BNC2: variants seen among roughly 807,000 people sequenced by gnomAD.
BNC2 encodes the protein zinc finger protein basonuclin-2.
BNC2 carries 20 observed loss-of-function variants against 76.3 expected under a neutral mutation model. The ratio of observed to expected loss-of-function variants is 0.26; its 90% confidence interval spans 0.18 to 0.38. The LOEUF (loss-of-function observed/expected upper bound fraction) is 0.38, where lower values mean the gene tolerates loss of function less well. Among genes scored for constraint, BNC2 ranks in the 10% least tolerant of loss-of-function variants. BNC2 has a pLI of 1.00. For missense variants in BNC2, 1,382 were observed against 1,399.8 expected (o/e 0.99, Z 0.20); for synonymous variants, 582 against 514.8 (o/e 1.13, Z -1.77).
intron 2 of BNC2, among the ~76,000 whole-genome samples, chr9:16,736,550 A>C (rs1025910750): frequency 6.7e-6 from 1 of 148,434 alleles, no homozygotes; most frequent in African/African-American, 2.5e-5. Context: ...ATCTTGGCTC[A>C]CTGCAATCTC....
chr9:16,463,335 C>G (rs999922801), intron 5 of BNC2, among the ~76,000 whole-genome samples: 1 of 117,390 alleles, frequency 8.5e-6, no homozygotes, highest in African/African-American at 3.6e-5. Flanking sequence ...CTCGCTCTGT[C>G]GCCCAGGCTG....
chr9:16,687,172 A>C (rs528892730), intron 3 of BNC2, among the ~76,000 whole-genome samples: 4 of 152,252 alleles, frequency 2.6e-5, no homozygotes, highest in African/African-American at 9.6e-5. Context: ...TGAGAAAGAA[A>C]AGAAAGGTTG....
chr9:16,765,801 T>C (rs78581149), intron 1 of BNC2, among the ~76,000 whole-genome samples: 3 of 151,862 alleles, frequency 2.0e-5, no homozygotes, highest in Admixed American at 6.6e-5. Context: ...TTTTTTTTTT[T>C]TCTGAGACGG....
chr9:16,468,758 C>G (rs140630513), intron 5 of BNC2, among the ~76,000 whole-genome samples: 2 of 152,194 alleles, frequency 1.3e-5, no homozygotes, highest in African/African-American at 4.8e-5. Context: ...CATCTCCAAG[C>G]TGAGGTTTAA....
In BNC2 at chr9:16,737,294, AG is replaced by A. The variant is rs1439838067; in HGVS notation, c.129+1065del. On this transcript the variant is annotated intron_variant, in intron 2 of 6. Transcript: ENST00000380672. The stretch of plus-strand genomic sequence containing the variant: ...TTGAGACAGTCTCGCTCTGTTGCCC[AG>A]GCTGGAGTGCAGTGGCGCAATCTTG... Among the ~76,000 whole-genome samples, 4 of 121,244 alleles carry A rather than the reference AG, an allele frequency of 3.3e-5. No individual in the cohort carries two copies. The East Asian group carries it at 8.3e-4, about 25-fold the overall frequency. 79.5% of individuals were successfully genotyped at this position (121,244 alleles called of 152,430 possible).
chr9:16,508,856 T>C (rs575634384), intron 5 of BNC2, among the ~76,000 whole-genome samples: 1 of 151,594 alleles, frequency 6.6e-6, no homozygotes, highest in East Asian at 1.9e-4. Context: ...ATTGTCTTGC[T>C]CTGTCACCGA....
chr9:16,627,846 T>C (rs924294203), intron 3 of BNC2, among the ~76,000 whole-genome samples: 2 of 152,208 alleles, frequency 1.3e-5, no homozygotes, highest in African/African-American at 4.8e-5. Context: ...CGGATCATAA[T>C]ACTTTGCAGA....
At chr9:16,823,977 T>C (rs1020533658) in intron 1 of BNC2, among the ~76,000 whole-genome samples, 1 of 152,238 alleles carries the variant, frequency 6.6e-6, no homozygotes, top group Non-Finnish European at 1.5e-5. Flanking sequence ...GTTTGTAGAA[T>C]GGATTAATGA....
chr9:16,613,850 G>C (rs1017376589), intron 3 of BNC2, among the ~76,000 whole-genome samples: 1 of 152,176 alleles, frequency 6.6e-6, no homozygotes, highest in African/African-American at 2.4e-5. Flanking sequence ...AATTTTCTGA[G>C]TTGTCTCTGA....
rs181308531 is a variant in BNC2 at position 16,521,489 on chromosome 9, G to A, written c.669+31041C>T. On this transcript the variant is annotated intron_variant, in intron 5 of 6. Coordinates refer to ENST00000380672, the MANE Select transcript of BNC2 (RefSeq NM_017637.6). The stretch of plus-strand genomic sequence containing the variant: ...TATACTGGCCATAAATAGGTAAAAC[G>A]TGAATGGTTTACATCATTAGAGAAG... Among the ~76,000 whole-genome samples the A allele has an allele frequency of 3.1e-3, 477 of 152,310 alleles. 11 individuals are homozygous for A. Among genetic ancestry groups the A allele is most frequent in the Admixed American group, 0.027 (417 of 15,304 alleles).
intron 1 of BNC2, among the ~76,000 whole-genome samples, chr9:16,856,634 C>A (rs1819265279): frequency 6.6e-6 from 1 of 152,118 alleles, no homozygotes; most frequent in African/African-American, 2.4e-5. Context: ...GGCTCCAGAC[C>A]TGGTAGAATT....
At chr9:16,545,664 T>G (rs1292104154) in intron 5 of BNC2, among the ~76,000 whole-genome samples, 1 of 151,978 alleles carries the variant, frequency 6.6e-6, no homozygotes, top group East Asian at 1.9e-4. Context: ...TCCCTGAGAG[T>G]ACCTGCCAAG....
rs1820558769 is a variant in BNC2 at position 16,415,143 on chromosome 9, G to A, written c.*3846C>T. The A allele has an allele frequency of 6.6e-6, 1 of 152,078 alleles. No individual in the cohort carries two copies. Among genetic ancestry groups the A allele is most frequent in the African/African-American group, 2.4e-5 (1 of 41,402 alleles). 9.4% of individuals were successfully genotyped at this position (152,078 alleles called of 1,614,324 possible). A position where few individuals can be genotyped will look rare whatever the true frequency, so the allele number is the denominator to read the frequency against. On this transcript the variant is annotated 3_prime_UTR_variant, in exon 7 of 7. Transcript: ENST00000380672. Reference sequence around the variant, plus strand: ...CTTTAAAAGGCATCAGGCTGAACAGGGCAGCTGGACTAAGATCTGGAATGA... The same window carrying A: ...CTTTAAAAGGCATCAGGCTGAACAGAGCAGCTGGACTAAGATCTGGAATGA...
chr9:16,862,343 T>G (rs946922331), intron 1 of BNC2, among the ~76,000 whole-genome samples: 3 of 152,174 alleles, frequency 2.0e-5, no homozygotes, highest in East Asian at 1.9e-4. Flanking sequence ...GTGAGTTATA[T>G]CTCAATAAAG....
intron 5 of BNC2, among the ~76,000 whole-genome samples, chr9:16,461,542 A>AT (rs1308923204): frequency 2.7e-5 from 4 of 150,184 alleles, no homozygotes; most frequent in African/African-American, 9.8e-5. Flanking sequence ...TTAATCTACT[A>AT]TGAATAAACG....
chr9:16,618,365 G>C (rs1241766944), intron 3 of BNC2, among the ~76,000 whole-genome samples: 1 of 152,130 alleles, frequency 6.6e-6, no homozygotes, highest in Non-Finnish European at 1.5e-5. Flanking sequence ...CTATCCTGTG[G>C]ACTGCTTTTT....
intron 4 of BNC2, among the ~76,000 whole-genome samples, chr9:16,561,463 C>A (rs1291388288): frequency 4.6e-5 from 7 of 152,098 alleles, no homozygotes; most frequent in Admixed American, 2.6e-4. Context: ...ATAAAAAGGC[C>A]TTCCATGAGG....
At chr9:16,638,826 G>A (rs970402362) in intron 3 of BNC2, among the ~76,000 whole-genome samples, 21 of 151,940 alleles carry the variant, frequency 1.4e-4, no homozygotes, top group East Asian at 3.8e-4. Context: ...CTTTCTAAAC[G>A]CACATAAATT....
intron 3 of BNC2, among the ~76,000 whole-genome samples, chr9:16,589,415 A>C (rs2133147507): frequency 6.6e-6 from 1 of 152,090 alleles, no homozygotes; most frequent in South Asian, 2.1e-4. Context: ...CAAACTCCTA[A>C]GCTCAAGCGA....
Sources: allele counts gnomAD v4.1 joint callset (sites outside exome capture counted in the v4.1 genomes callset), GRCh38; gene constraint gnomAD v4.1.1; transcripts MANE v1.5; gene names NCBI Gene and HGNC (gene_info 2026-07-23, HGNC 2026-07-21).